The following RBPMS2 variants were observed in gnomAD, a reference collection of about 807,000 sequenced individuals.
RBPMS2 encodes the protein RNA binding protein, mRNA processing factor 2.
RBPMS2 carries 14 observed loss-of-function variants against 25.7 expected under a neutral mutation model. That is an observed-to-expected ratio of 0.55 (90% CI 0.36 to 0.85). The LOEUF (loss-of-function observed/expected upper bound fraction) is 0.85, where lower values mean the gene tolerates loss of function less well. Ranked by LOEUF, RBPMS2 falls within the 40% of genes least tolerant of loss-of-function variation. The probability of loss-of-function intolerance (pLI) is 0.01; values close to 1 mark genes in which losing one functional copy is unlikely to be tolerated. For missense variants in RBPMS2, 252 were observed against 283.4 expected, an observed-to-expected ratio of 0.89 and a Z score of 0.80; for synonymous variants, 127 against 115.6, an observed-to-expected ratio of 1.10 and a Z score of -0.63.
At chr15:64,741,639 A>G (rs990834631) in intron 6 of RBPMS2, among the ~76,000 whole-genome samples, 2 of 152,198 alleles carry the variant, frequency 1.3e-5, no homozygotes, top group Admixed American at 1.3e-4. Context: ...AGCCTCATAC[A>G]TTTTTGTTTG....
intron 6 of RBPMS2, among the ~76,000 whole-genome samples, chr15:64,743,037 C>G (rs1010915648): frequency 1.3e-5 from 2 of 152,358 alleles, no homozygotes; most frequent in Admixed American, 6.5e-5. Context: ...AGGAAACGAG[C>G]AATGCTGCTA....
intron 1 of RBPMS2, among the ~76,000 whole-genome samples, chr15:64,765,595 C>CGG (rs5813320): frequency 1.3e-5 from 2 of 150,394 alleles, no homozygotes; most frequent in South Asian, 2.1e-4. Context: ...AAAAAAAGGG[C>CGG]GGGGGGGGAC....
chr15:64,768,826 C>T (rs1302422237), intron 1 of RBPMS2, among the ~76,000 whole-genome samples: 1 of 147,722 alleles, frequency 6.8e-6, no homozygotes, highest in African/African-American at 2.5e-5. Context: ...TAAGGCCGGG[C>T]GCCGTGGCTC....
intron 2 of RBPMS2, among the ~76,000 whole-genome samples, chr15:64,751,007 C>A (rs1426981140): frequency 6.7e-6 from 1 of 150,104 alleles, no homozygotes; most frequent in Non-Finnish European, 1.5e-5. Context: ...GCACTCCAGC[C>A]TGGGCAACTG....
At chr15:64,743,639 C>CG (rs1567062458) in intron 6 of RBPMS2, among the ~76,000 whole-genome samples, 23 of 25,368 alleles carry the variant, frequency 9.1e-4, no homozygotes, top group East Asian at 2.8e-3. Flanking sequence ...CAGTTGTGCC[C>CG]AGGGGGGGGG....
intron 1 of RBPMS2, among the ~76,000 whole-genome samples, chr15:64,752,219 G>T (rs1201223349): frequency 6.6e-6 from 1 of 152,202 alleles, no homozygotes; most frequent in East Asian, 1.9e-4. Context: ...ATGTAAAAAT[G>T]TATCTATTTT....
rs1268853748 is a variant in RBPMS2 at position 64,769,364 on chromosome 15, C to T, written c.87+5869G>A. Among the ~76,000 whole-genome samples, 11 of 142,328 alleles carry T rather than the reference C, an allele frequency of 7.7e-5. No homozygotes were observed. The South Asian group carries it at 8.8e-4, about 11-fold the overall frequency. 93.4% of individuals were successfully genotyped at this position (142,328 alleles called of 152,430 possible). ...GCTTGAACCCAGGAGGTGGAGGTTG[C>T]GGTGAGCCGAGATCGCGCCATTGCA... On this transcript the variant is annotated intron_variant, in intron 1 of 7. Coordinates refer to ENST00000300069, the MANE Select transcript of RBPMS2 (RefSeq NM_194272.3).
Position 64,772,521 on chromosome 15 carries a change from C to A in RBPMS2, c.87+2712G>T, listed in dbSNP as rs370561282. ...TCCCGTAATACCACAGTCATTACTG[C>A]CCTAATTCCAAACTCTCATTATGGC... On this transcript the variant is annotated intron_variant, in intron 1 of 7. Coordinates refer to ENST00000300069, the MANE Select transcript of RBPMS2 (RefSeq NM_194272.3). Among the ~76,000 whole-genome samples, 4 of 152,212 alleles carry A rather than the reference C, an allele frequency of 2.6e-5. No homozygotes were observed. The East Asian group carries it at 7.7e-4, about 29-fold the overall frequency.
intron 6 of RBPMS2, among the ~76,000 whole-genome samples, chr15:64,747,520 C>T (rs4474637): frequency 0.75 from 114,333 of 152,082 alleles, 46,212 homozygotes; most frequent in East Asian, 0.96. Flanking sequence ...CCTGGCTGGT[C>T]AAAGGTTGAG....
intron 1 of RBPMS2, among the ~76,000 whole-genome samples, chr15:64,755,436 C>T (rs749312075): frequency 1.4e-4 from 22 of 152,102 alleles, no homozygotes; most frequent in Non-Finnish European, 3.1e-4. Context: ...TACTAGATTC[C>T]AGCCACCCCA....
At chr15:64,756,024 T>A (rs1368373823) in intron 1 of RBPMS2, among the ~76,000 whole-genome samples, 1 of 152,138 alleles carries the variant, frequency 6.6e-6, no homozygotes. Context: ...TTCCCAGCAG[T>A]CTGAGGTACC....
chr15:64,753,702 C>A (rs2083704421), intron 1 of RBPMS2, among the ~76,000 whole-genome samples: 1 of 152,164 alleles, frequency 6.6e-6, no homozygotes, highest in African/African-American at 2.4e-5. Context: ...TGGGACACGT[C>A]TTCCCCTCAG....
intron 1 of RBPMS2, among the ~76,000 whole-genome samples, chr15:64,770,248 C>A (rs934423281): frequency 6.6e-6 from 1 of 152,134 alleles, no homozygotes; most frequent in Admixed American, 6.6e-5. Flanking sequence ...ACCAAAAACC[C>A]TAATATAAAA....
intron 1 of RBPMS2, among the ~76,000 whole-genome samples, chr15:64,757,470 T>A (rs976553456): frequency 2.0e-5 from 3 of 152,192 alleles, no homozygotes; most frequent in Non-Finnish European, 4.4e-5. Context: ...GTGGGTAGGA[T>A]GTCCTAAGGT....
At position 64,749,501 on chromosome 15, in the gene RBPMS2, GAA is replaced by G. The variant is rs60232858; in HGVS notation, c.205-10_205-9del. The G allele has an allele frequency of 6.2e-7, 1 of 1,607,032 alleles. No individual in the cohort carries two copies. Among genetic ancestry groups the G allele is most frequent in the East Asian group, 2.2e-5 (1 of 44,864 alleles). On this transcript the variant is annotated splice_polypyrimidine_tract_variant and intron_variant, in intron 3 of 7. Coordinates refer to ENST00000300069, the MANE Select transcript of RBPMS2 (RefSeq NM_194272.3). ...GATCACAAAACCAACAGGCTAGTAG[GAA>G]AAAGAGAGAACACCCTTATATCTCT...
intron 1 of RBPMS2, among the ~76,000 whole-genome samples, chr15:64,751,850 C>T (rs543180734): frequency 5.9e-5 from 9 of 152,140 alleles, no homozygotes; most frequent in Non-Finnish European, 1.3e-4. Context: ...ATCCCAGAGG[C>T]ATCGTGCTGC....
chr15:64,751,427 G>A (rs901160068), intron 2 of RBPMS2, 134 bp downstream of exon 2: 19 of 698,622 alleles, frequency 2.7e-5, no homozygotes, highest in African/African-American at 1.9e-4. Flanking sequence ...ACCAGGACAC[G>A]GGCTGGACCT....
intron 1 of RBPMS2, among the ~76,000 whole-genome samples, chr15:64,760,809 A>G (rs950320623): frequency 6.6e-6 from 1 of 151,784 alleles, no homozygotes; most frequent in Non-Finnish European, 1.5e-5. Context: ...TCTCGAAAAA[A>G]AAAAAAGAAA....
At chr15:64,761,371 G>A (rs910671493) in intron 1 of RBPMS2, among the ~76,000 whole-genome samples, 1 of 152,152 alleles carries the variant, frequency 6.6e-6, no homozygotes, top group Non-Finnish European at 1.5e-5. Flanking sequence ...ATTTTTAGAG[G>A]AGGAAACCAG....
Sources: allele counts gnomAD v4.1 joint callset (sites outside exome capture counted in the v4.1 genomes callset), GRCh38; gene constraint gnomAD v4.1.1; transcripts MANE v1.5; gene names NCBI Gene and HGNC (gene_info 2026-07-23, HGNC 2026-07-21).